The following RTEL1 variants were observed in gnomAD, a reference collection of about 807,000 sequenced individuals.
RTEL1 encodes the protein regulator of telomere elongation helicase 1.
A neutral mutation model predicts 162.2 loss-of-function variants in RTEL1; 86 were observed. The observed-to-expected ratio is 0.53, with a 90% confidence interval of 0.45 to 0.63. The LOEUF is 0.63. Ranked by LOEUF, RTEL1 falls within the 30% of genes least tolerant of loss-of-function variation. RTEL1 has a pLI of 0.00. For missense variants in RTEL1, 1,941 were observed against 1,750.2 expected, an observed-to-expected ratio of 1.11 and a Z score of -1.95; for synonymous variants, 958 against 717.9, an observed-to-expected ratio of 1.33 and a Z score of -5.35.
intron 33 of RTEL1, 21 bp from the exon 34 acceptor site, chr20:63,695,307 G>A (rs905911298): frequency 1.9e-6 from 3 of 1,577,438 alleles, no homozygotes; most frequent in Non-Finnish European, 2.6e-6. Flanking sequence ...GCCCCCCTCA[G>A]ACTCAAGTCT....
At chr20:63,682,270 G>A (rs1299562440) in intron 14 of RTEL1, 2 of 985,308 alleles carry the variant, frequency 2.0e-6, no homozygotes, top group Non-Finnish European at 2.4e-6. Flanking sequence ...ACCGAATCCT[G>A]GAACGCGGCC....
rs1446706803 is a variant in RTEL1 at position 63,690,356 on chromosome 20, G to A, written c.2328G>A (p.Glu776=). 2 of 1,611,842 alleles carry A rather than the reference G, an allele frequency of 1.2e-6. No individual in the cohort carries two copies. Among genetic ancestry groups the A allele is most frequent in the South Asian group, 1.1e-5 (1 of 91,002 alleles). The part of the protein sequence containing the change: ...PSVRGEDAVS[E]AKSPGPFFST... ...TGCGTGGAGAAGATGCTGTCAGCGA[G>A]GCCAAGTCGCCTGGCCCCTTCTTCT... is the stretch of plus-strand genomic sequence containing the variant. The change falls in exon 26 of 35, where the codon GAG becomes GAA. Residue 776 remains glutamate (E), a synonymous_variant. Coordinates refer to ENST00000360203, the MANE Select transcript of RTEL1 (RefSeq NM_001283009.2).
At chr20:63,688,992 C>T in intron 21 of RTEL1, 63 bp from the exon 22 acceptor site, 24 of 1,440,172 alleles carry the variant, frequency 1.7e-5, no homozygotes, top group Non-Finnish European at 2.3e-5. Context: ...CTGGGTCTCC[C>T]TCATGGGGGA....
At position 63,695,969 on chromosome 20, in the gene RTEL1, TG is replaced by T; in HGVS notation, c.*113del. The stretch of plus-strand genomic sequence containing the variant: ...ATAGGCCAGCCCATGCCAGCCGGCT[TG>T]GCCCGCTGCAGGCCTCAGGCAGGCG... On this transcript the variant is annotated 3_prime_UTR_variant, in exon 35 of 35. Transcript: ENST00000360203. 8.9e-7 allele frequency: 1 copy of T among 1,126,548 alleles called. No individual in the cohort carries two copies. The highest frequency in any genetic ancestry group is 2.3e-5 in the Admixed American group (1 of 42,586). 69.8% of individuals were successfully genotyped at this position (1,126,548 alleles called of 1,614,324 possible).
chr20:63,692,897 C>T lies in RTEL1; in HGVS notation c.2745C>T (p.Phe915=), dbSNP rs1376717154. 1 of 1,612,676 alleles carries T rather than the reference C, an allele frequency of 6.2e-7. No individual in the cohort carries two copies. Among genetic ancestry groups the T allele is most frequent in the Admixed American group, 1.7e-5 (1 of 60,018 alleles). ...QELSQANFAT[F]TQALQDYKGS... ...TGAGCCAAGCCAACTTTGCCACCTTCACCCAGGCCCTGCAGGACTACAAGG... is the reference window on the plus strand; with the variant it reads ...TGAGCCAAGCCAACTTTGCCACCTTTACCCAGGCCCTGCAGGACTACAAGG... The change falls in exon 29 of 35, where the codon TTC becomes TTT. Residue 915 remains phenylalanine, a synonymous_variant. Transcript: ENST00000360203.
chr20:63,676,168 T>A (rs1182291773), intron 10 of RTEL1, among the ~76,000 whole-genome samples: 1 of 152,036 alleles, frequency 6.6e-6, no homozygotes, highest in South Asian at 2.1e-4. Flanking sequence ...TCCTGCAGCC[T>A]CCACCTCTTG....
rs777887835 is a variant in RTEL1, at chr20:63,694,328, C to A, written c.2993-44C>A. The A allele has an allele frequency of 2.3e-6, 3 of 1,288,962 alleles. No homozygotes were observed. The Admixed American group carries it at 5.1e-5, about 22-fold the overall frequency. The allele number at this position is 1,288,962 out of a possible 1,614,324, so 79.8% of individuals were successfully genotyped here. On this transcript the variant is annotated intron_variant, in intron 30 of 34. Coordinates refer to ENST00000360203, the MANE Select transcript of RTEL1 (RefSeq NM_001283009.2). ...TGCCCCCCCACCCCAGGGAACTTTC[C>A]AGATGCTCTCGACCAGCTTTGTGGC...
rs1392122447 is a variant in RTEL1, at chr20:63,695,379, T to G, written c.3551T>G (p.Phe1184Cys). Residue 1184 changes from phenylalanine (F) to cysteine (C), a missense_variant, in exon 34 of 35, where the codon TTC becomes TGC. Coordinates refer to ENST00000360203, the MANE Select transcript of RTEL1 (RefSeq NM_001283009.2). ...AAGACCCAGAGCAAGATCTCGTCCT[T>G]CCTTAGACAGAGGCCAGCAGGGACT... ...TGKTQSKISS[F>C]LRQRPAGTVG... 1.3e-6 allele frequency: 2 copies of G among 1,554,064 alleles called. No homozygotes were observed. Among genetic ancestry groups the G allele is most frequent in the African/African-American group, 2.7e-5 (2 of 73,384 alleles).
chr20:63,694,747 C>T lies in RTEL1; in HGVS notation c.3116C>T (p.Pro1039Leu), dbSNP rs772175599. Residue 1039 changes from proline (P) to leucine (L), a missense_variant, in exon 32 of 35, where the codon CCT becomes CTT. Physicochemically the swap from Pro to Leu is moderately conservative, Grantham distance 98. Transcript: ENST00000360203. ...LSPRPPPTGD[P>L]GSQPQWGSGV... The stretch of plus-strand genomic sequence containing the variant: ...CATGCTACTCCCACACCAGGAGACC[C>T]TGGCAGCCAACCACAGTGGGGGTCT... 6 of 1,603,042 alleles carry T rather than the reference C, an allele frequency of 3.7e-6. No individual in the cohort carries two copies. The highest frequency in any genetic ancestry group is 1.3e-5 in the African/African-American group (1 of 74,688).
Position 63,690,092 on chromosome 20 carries a change from C to A in RTEL1, c.2147C>A (p.Ala716Asp). 1.2e-6 allele frequency: 2 copies of A among 1,611,186 alleles called. No individual in the cohort carries two copies. The highest frequency in any genetic ancestry group is 1.7e-6 in the Non-Finnish European group (2 of 1,179,676). The change falls in exon 25 of 35, where the codon GCC becomes GAC. Residue 716 changes from alanine to aspartate, a missense_variant. Physicochemically the swap from Ala to Asp is moderately radical, Grantham distance 126. Coordinates refer to ENST00000360203, the MANE Select transcript of RTEL1 (RefSeq NM_001283009.2). ...GAVFLCDHRF[A>D]FADARAQLPS... ...GGGCTATGGCCACCCCCCAGGTTCG[C>A]CTTTGCCGACGCAAGAGCCCAACTG... is the stretch of plus-strand genomic sequence containing the variant.
At position 63,690,436 on chromosome 20, in the gene RTEL1, C is replaced by T. The variant is rs1319989802; in HGVS notation, c.2408C>T (p.Ser803Phe). The T allele has an allele frequency of 6.3e-7, 1 of 1,588,482 alleles. No individual in the cohort carries two copies. The highest frequency in any genetic ancestry group is 8.6e-7 in the Non-Finnish European group (1 of 1,164,764). ...CATGTCCCCAGCCTGAAGCAGAGGTCCTCAGGTGCGGACGGGCAGCGCTGG... is the reference window on the plus strand; with the variant it reads ...CATGTCCCCAGCCTGAAGCAGAGGTTCTCAGGTGCGGACGGGCAGCGCTGG... ...DLHVPSLKQR[S>F]SGSPAAGDPE... The change falls in exon 26 of 35, where the codon TCC becomes TTC. Residue 803 changes from serine to phenylalanine, a missense_variant. Transcript: ENST00000360203.
At chr20:63,684,072 T>C (rs368715163) in intron 14 of RTEL1, among the ~76,000 whole-genome samples, 20 of 152,314 alleles carry the variant, frequency 1.3e-4, no homozygotes, top group African/African-American at 4.6e-4. Context: ...TCTGAGCTTG[T>C]GCCTCCCGAC....
In RTEL1 at chr20:63,667,556, G is replaced by T. The variant is rs1337481938; in HGVS notation, c.699+3G>T. The T allele has an allele frequency of 5.0e-6, 8 of 1,612,344 alleles. No homozygotes were observed. Among genetic ancestry groups the T allele is most frequent in the East Asian group, 4.5e-5 (2 of 44,854 alleles). Reference sequence around the variant, plus strand: ...ACAATTACTTGTTGGATGCCAAGGTGGGGGCTCAGTCCTGTAGCTGACGAC... The same window carrying T: ...ACAATTACTTGTTGGATGCCAAGGTTGGGGCTCAGTCCTGTAGCTGACGAC... On this transcript the variant is annotated splice_donor_region_variant and intron_variant, in intron 8 of 34. Coordinates refer to ENST00000360203, the MANE Select transcript of RTEL1 (RefSeq NM_001283009.2).
rs2090432867 is a variant in RTEL1 at position 63,679,196 on chromosome 20, T to C, written c.1038-653T>C. ...CAGATGAGGAGTCAGGGCTGGGGCCTGTGTGGGGGCTCTCCTGAGCGCACA... is the reference window on the plus strand; with the variant it reads ...CAGATGAGGAGTCAGGGCTGGGGCCCGTGTGGGGGCTCTCCTGAGCGCACA... On this transcript the variant is annotated intron_variant, in intron 12 of 34. Transcript: ENST00000360203. 2.0e-5 allele frequency among the ~76,000 whole-genome samples: 3 copies of C among 152,158 alleles called. No individual in the cohort carries two copies. In the South Asian group the frequency reaches 6.2e-4, roughly 32 times the overall value.
rs2090580502 is a variant in RTEL1 at position 63,685,837 on chromosome 20, C to G, written c.1313C>G (p.Ser438Cys). 1.2e-6 allele frequency: 2 copies of G among 1,612,566 alleles called. No individual in the cohort carries two copies. Among genetic ancestry groups the G allele is most frequent in the Admixed American group, 1.7e-5 (1 of 59,986 alleles). Reference protein sequence around the residue: ...DAGHRRTAQRSDAWSTTAARK... With the variant: ...DAGHRRTAQRCDAWSTTAARK... ...GGTCACCGGAGGACGGCTCAGCGGT[C>G]TGATGCCTGGAGCACCACTGCAGCC... is the stretch of plus-strand genomic sequence containing the variant. Residue 438 changes from serine to cysteine, a missense_variant, in exon 16 of 35, where the codon TCT becomes TGT. Transcript: ENST00000360203.
In RTEL1 at chr20:63,678,194, C is replaced by T. The variant is rs1476342365; in HGVS notation, c.958+11C>T. 1 of 1,613,208 alleles carries T rather than the reference C, an allele frequency of 6.2e-7. No homozygotes were observed. The highest frequency in any genetic ancestry group is 8.5e-7 in the Non-Finnish European group (1 of 1,179,164). On this transcript the variant is annotated intron_variant, in intron 11 of 34. Transcript: ENST00000360203. ...TTGCAAAGCTGAAGAGTAAGTGTTG[C>T]CCTCCCCGCCTCCTTGCAGCTGGGT...
intron 24 of RTEL1, 44 bp downstream of exon 24, chr20:63,689,909 C>T (rs2090687506): frequency 1.9e-5 from 29 of 1,565,362 alleles, no homozygotes; most frequent in Non-Finnish European, 2.5e-5. Context: ...GGGACACGCC[C>T]ACACCCCACT....
Position 63,691,796 on chromosome 20 carries a change from C to T in RTEL1, c.2611C>T (p.Pro871Ser), listed in dbSNP as rs763998602. 2 of 1,612,442 alleles carry T rather than the reference C, an allele frequency of 1.2e-6. No homozygotes were observed. The highest frequency in any genetic ancestry group is 1.7e-6 in the Non-Finnish European group (2 of 1,179,838). Residue 871 changes from proline (P) to serine (S), a missense_variant, in exon 28 of 35, where the codon CCG (proline) becomes TCG (serine). Transcript: ENST00000360203. ...LLSEKRPAEE[P>S]RGGRKKIRLV... The stretch of plus-strand genomic sequence containing the variant: ...GTCTGAGAAGAGGCCGGCAGAAGAA[C>T]CGCGAGGAGGGAGGAAGAAGATCCG...
At chr20:63,670,915 A>G (rs1192319429) in intron 8 of RTEL1, among the ~76,000 whole-genome samples, 1 of 152,162 alleles carries the variant, frequency 6.6e-6, no homozygotes, top group Non-Finnish European at 1.5e-5. Flanking sequence ...GCGTGAGCCC[A>G]TCCACAGGTG....
Sources: allele counts gnomAD v4.1 joint callset (sites outside exome capture counted in the v4.1 genomes callset), GRCh38; gene constraint gnomAD v4.1.1; transcripts MANE v1.5; gene names NCBI Gene and HGNC (gene_info 2026-07-23, HGNC 2026-07-21).